The following CDKAL1 variants were observed in gnomAD, a reference collection of about 807,000 sequenced individuals.
The protein encoded by CDKAL1 is CDKAL1 threonylcarbamoyladenosine tRNA methylthiotransferase.
Under a neutral mutation model 68.2 loss-of-function variants are expected in CDKAL1, and 32 were observed. The ratio of observed to expected loss-of-function variants is 0.47; its 90% CI spans 0.35 to 0.63. The LOEUF (loss-of-function observed/expected upper bound fraction) is 0.63. CDKAL1 is among the 30% of genes least tolerant of loss of function. The probability of loss-of-function intolerance (pLI) is 0.00; values close to 1 mark genes in which losing one functional copy is unlikely to be tolerated. For synonymous variants in CDKAL1, 234 were observed against 244.3 expected, an observed-to-expected ratio of 0.96 and a Z score of 0.39; for missense variants, 606 against 696.7, an observed-to-expected ratio of 0.87 and a Z score of 1.47.
At chr6:21,204,980 A>C (rs1778839740) in intron 15 of CDKAL1, among the ~76,000 whole-genome samples, 2 of 152,120 alleles carry the variant, frequency 1.3e-5, no homozygotes, top group African/African-American at 4.8e-5. Context: ...GTAACTTCTA[A>C]TCTACTTTCC....
chr6:20,614,937 AC>A (rs1309649892), intron 4 of CDKAL1, among the ~76,000 whole-genome samples: 3 of 78,014 alleles, frequency 3.8e-5, no homozygotes, highest in African/African-American at 1.6e-4. Flanking sequence ...CCCTCCCCCC[AC>A]CCCACCACAG....
chr6:20,572,636 G>C (rs1764751713), intron 4 of CDKAL1, among the ~76,000 whole-genome samples: 1 of 152,074 alleles, frequency 6.6e-6, no homozygotes, highest in Admixed American at 6.6e-5. Context: ...CTTATAACGA[G>C]ATTTATCCAG....
chr6:21,096,142 G>A (rs1446114852), intron 12 of CDKAL1, among the ~76,000 whole-genome samples: 2 of 152,186 alleles, frequency 1.3e-5, no homozygotes, highest in Non-Finnish European at 2.9e-5. Context: ...TAGAGATGCA[G>A]CAATAACTGG....
chr6:20,981,279 CAT>C (rs1349487402), intron 10 of CDKAL1, among the ~76,000 whole-genome samples: 3 of 152,280 alleles, frequency 2.0e-5, no homozygotes, highest in African/African-American at 7.2e-5. Flanking sequence ...AATGTGTAAT[CAT>C]TGAACTTGTA....
At chr6:20,568,576 A>C (rs1764558864) in intron 4 of CDKAL1, among the ~76,000 whole-genome samples, 1 of 151,770 alleles carries the variant, frequency 6.6e-6, no homozygotes. Flanking sequence ...TACTAACAAT[A>C]CAAAAAAAAT....
intron 13 of CDKAL1, among the ~76,000 whole-genome samples, chr6:21,155,119 T>G (rs2151054995): frequency 6.6e-6 from 1 of 152,362 alleles, no homozygotes; most frequent in South Asian, 2.1e-4. Context: ...TTTACCACAT[T>G]TATTACAATA....
At chr6:20,995,834 CT>C (rs1171479652) in intron 10 of CDKAL1, among the ~76,000 whole-genome samples, 1 of 152,106 alleles carries the variant, frequency 6.6e-6, no homozygotes, top group East Asian at 1.9e-4. Flanking sequence ...GCTTCAAAGC[CT>C]TTTGTATTTA....
At chr6:20,933,263 A>G (rs778907480) in intron 9 of CDKAL1, among the ~76,000 whole-genome samples, 2 of 152,216 alleles carry the variant, frequency 1.3e-5, no homozygotes, top group Non-Finnish European at 2.9e-5. Context: ...CTTCAGGGCA[A>G]TAAGATAATT....
At chr6:21,197,045 C>T (rs1159120516) in intron 13 of CDKAL1, among the ~76,000 whole-genome samples, 2 of 152,006 alleles carry the variant, frequency 1.3e-5, no homozygotes. Context: ...GTAATCCCAG[C>T]TACTCGGGAG....
chr6:20,572,607 T>C (rs919195932), intron 4 of CDKAL1, among the ~76,000 whole-genome samples: 12 of 152,168 alleles, frequency 7.9e-5, no homozygotes, highest in Admixed American at 6.5e-4. Flanking sequence ...ATCATATGTA[T>C]TGGGTCCACA....
intron 4 of CDKAL1, among the ~76,000 whole-genome samples, chr6:20,609,232 C>T (rs1402113902): frequency 7.5e-6 from 1 of 132,736 alleles, no homozygotes; most frequent in African/African-American, 3.0e-5. Context: ...CTTCTTTCTT[C>T]CTTCTTCCTT....
chr6:20,711,560 C>T (rs991936088), intron 5 of CDKAL1, among the ~76,000 whole-genome samples: 5 of 152,118 alleles, frequency 3.3e-5, no homozygotes, highest in African/African-American at 4.8e-5. Flanking sequence ...TACATTAATA[C>T]ATTTTGATGA....
intron 5 of CDKAL1, among the ~76,000 whole-genome samples, chr6:20,688,505 G>T (rs1289092383): frequency 6.6e-6 from 1 of 151,964 alleles, no homozygotes; most frequent in Non-Finnish European, 1.5e-5. Context: ...CAAGCTCAGA[G>T]AGAGTCTTTG....
intron 5 of CDKAL1, among the ~76,000 whole-genome samples, chr6:20,664,085 A>T (rs549963601): frequency 1.2e-4 from 19 of 152,172 alleles, no homozygotes; most frequent in African/African-American, 3.1e-4. Context: ...TATCAGAGGG[A>T]TATTAACGCT....
intron 9 of CDKAL1, among the ~76,000 whole-genome samples, chr6:20,945,531 A>G (rs1764195178): frequency 6.6e-6 from 1 of 152,172 alleles, no homozygotes; most frequent in South Asian, 2.1e-4. Context: ...CCTACCTCAT[A>G]GAGGCCCTAT....
chr6:20,918,695 A>G lies in CDKAL1; in HGVS notation c.743-36724A>G, dbSNP rs530788146. On this transcript the variant is annotated intron_variant, in intron 9 of 15. Transcript: ENST00000274695. ...GTTTTGATTTTAGGCTGGAGTTGATAATTCTCTTACTTCCGCTTCTCAGTT... is the reference window on the plus strand; with the variant it reads ...GTTTTGATTTTAGGCTGGAGTTGATGATTCTCTTACTTCCGCTTCTCAGTT... Among the ~76,000 whole-genome samples, 6 of 152,336 alleles carry G rather than the reference A, an allele frequency of 3.9e-5. No individual in the cohort carries two copies. The East Asian group carries it at 1.2e-3, about 29-fold the overall frequency.
At chr6:20,884,812 G>A (rs1013789650) in intron 9 of CDKAL1, among the ~76,000 whole-genome samples, 4 of 152,122 alleles carry the variant, frequency 2.6e-5, no homozygotes, top group Non-Finnish European at 5.9e-5. Flanking sequence ...AACCAAGGAG[G>A]TGAAAAATTT....
At chr6:21,038,024 C>T (rs1218787636) in intron 11 of CDKAL1, among the ~76,000 whole-genome samples, 1 of 152,112 alleles carries the variant, frequency 6.6e-6, no homozygotes, top group Non-Finnish European at 1.5e-5. Flanking sequence ...AATATTGTAA[C>T]ATGAAAGACA....
chr6:21,224,062 C>T (rs9460610), intron 15 of CDKAL1, among the ~76,000 whole-genome samples: 36,022 of 152,002 alleles, frequency 0.24, 4,787 homozygotes, highest in African/African-American at 0.34. Flanking sequence ...GAACTGAGTA[C>T]GCTTTCTGGT....
Sources: allele counts gnomAD v4.1 joint callset (sites outside exome capture counted in the v4.1 genomes callset), GRCh38; gene constraint gnomAD v4.1.1; transcripts MANE v1.5; gene names NCBI Gene and HGNC (gene_info 2026-07-23, HGNC 2026-07-21).